KIAA1549L: variants seen among roughly 807,000 people sequenced by gnomAD.
KIAA1549L encodes the protein UPF0606 protein KIAA1549L.
A neutral mutation model predicts 160.7 loss-of-function variants in KIAA1549L; 88 were observed. The ratio of observed to expected loss-of-function variants is 0.55; its 90% confidence interval spans 0.46 to 0.65. KIAA1549L has a LOEUF of 0.65. Among genes scored for constraint, KIAA1549L ranks in the 30% least tolerant of loss-of-function variants. KIAA1549L has a pLI of 0.00. For synonymous variants in KIAA1549L, 950 were observed against 976.7 expected (o/e 0.97, Z 0.51); for missense variants, 2,258 against 2,437.5 (o/e 0.93, Z 1.55).
chr11:33,405,510 C>CTTTTTT (rs60127936), intron 1 of KIAA1549L, among the ~76,000 whole-genome samples: 4 of 138,652 alleles, frequency 2.9e-5, no homozygotes, highest in African/African-American at 1.1e-4. Flanking sequence ...TTTCCCTACA[C>CTTTTTT]TTTTTTTTTT....
At chr11:33,607,632 T>C (rs577527528) in intron 14 of KIAA1549L, among the ~76,000 whole-genome samples, 9 of 152,338 alleles carry the variant, frequency 5.9e-5, no homozygotes, top group Admixed American at 2.6e-4. Flanking sequence ...AGGTTGGTTG[T>C]TAATTTCATT....
rs550335550 is a variant in KIAA1549L at position 33,525,829 on chromosome 11, G to A, written c.239-15973G>A. ...GCTGGCTGTGTGGGAGCTGGGTGAG[G>A]CCTGTCACTGCTGGCTTCCCCCTCT... On this transcript the variant is annotated intron_variant, in intron 1 of 20. Coordinates refer to ENST00000658780, the MANE Select transcript of KIAA1549L (RefSeq NM_012194.3). 1.4e-4 allele frequency among the ~76,000 whole-genome samples: 21 copies of A among 152,174 alleles called. No homozygotes were observed. In the East Asian group the frequency reaches 3.3e-3, roughly 24 times the overall value.
chr11:33,648,465 G>A (rs915568222), intron 17 of KIAA1549L, among the ~76,000 whole-genome samples: 2 of 150,472 alleles, frequency 1.3e-5, no homozygotes, highest in African/African-American at 4.9e-5. Context: ...CTTTGATAAT[G>A]TGGAAATCCA....
At chr11:33,464,711 A>C (rs1168114317) in intron 1 of KIAA1549L, among the ~76,000 whole-genome samples, 1 of 152,096 alleles carries the variant, frequency 6.6e-6, no homozygotes, top group Non-Finnish European at 1.5e-5. Flanking sequence ...CATCTGTTCA[A>C]ATCATTTTCC....
chr11:33,572,858 C>G (rs994612015), intron 9 of KIAA1549L, among the ~76,000 whole-genome samples: 1 of 152,174 alleles, frequency 6.6e-6, no homozygotes, highest in Middle Eastern at 3.2e-3. Context: ...TACATTAATT[C>G]TATAGGAAAC....
chr11:33,542,992 A>G lies in KIAA1549L; in HGVS notation c.1429A>G (p.Thr477Ala). The G allele has an allele frequency of 1.2e-6, 2 of 1,613,918 alleles. No individual in the cohort carries two copies. Among genetic ancestry groups the G allele is most frequent in the Middle Eastern group, 1.6e-4 (1 of 6,062 alleles). Residue 477 changes from threonine to alanine, a missense_variant, in exon 2 of 21, where the codon ACC (threonine) becomes GCC (alanine). Transcript: ENST00000658780. ...TTCTTTGGTGCCTTCTCTGCATATC[A>G]CCACACTGGGTCAAGAGCAAGCCAT... is the stretch of plus-strand genomic sequence containing the variant. ...TSSLVPSLHI[T>A]TLGQEQAILS...
chr11:33,597,801 G>A (rs1850241929), intron 12 of KIAA1549L, among the ~76,000 whole-genome samples: 1 of 152,110 alleles, frequency 6.6e-6, no homozygotes, highest in Non-Finnish European at 1.5e-5. Flanking sequence ...GACAGCAAAG[G>A]GAAGGTGTTC....
chr11:33,609,920 G>C lies in KIAA1549L; in HGVS notation c.5233G>C (p.Asp1745His). The change falls in exon 15 of 21, where the codon GAT (aspartate) becomes CAT (histidine). Residue 1745 changes from aspartate (D) to histidine (H), a missense_variant. Physicochemically the swap from Asp to His is moderately conservative, Grantham distance 81. Around this residue, in one of 6 missense-constraint regions of KIAA1549L, gnomAD observed 1,359 missense variants for 1,546.6 expected, o/e 0.88. Transcript: ENST00000658780. ...KAPKEMEHVLDPDSELCAPFT... is the reference protein window; with the variant it reads ...KAPKEMEHVLHPDSELCAPFT... ...CCCGAAGGAAATGGAGCATGTTTTG[G>C]ATCCAGATTCAGAACTCTGTGCTCC... is the stretch of plus-strand genomic sequence containing the variant. 1 of 1,613,974 alleles carries C rather than the reference G, an allele frequency of 6.2e-7. No homozygotes were observed. The highest frequency in any genetic ancestry group is 8.5e-7 in the Non-Finnish European group (1 of 1,179,872).
At chr11:33,550,227 G>T (rs1162941303) in intron 4 of KIAA1549L, among the ~76,000 whole-genome samples, 1 of 151,294 alleles carries the variant, frequency 6.6e-6, no homozygotes, top group African/African-American at 2.4e-5. Context: ...ATAAAAACTT[G>T]GAAAAAAAGG....
At chr11:33,596,114 T>A (rs1237204586) in intron 12 of KIAA1549L, among the ~76,000 whole-genome samples, 1 of 152,194 alleles carries the variant, frequency 6.6e-6, no homozygotes, top group Admixed American at 6.5e-5. Context: ...TCTTCCCAGC[T>A]CCATGTCCTC....
At chr11:33,489,169 A>G (rs1394917558) in intron 1 of KIAA1549L, among the ~76,000 whole-genome samples, 1 of 152,190 alleles carries the variant, frequency 6.6e-6, no homozygotes, top group Non-Finnish European at 1.5e-5. Flanking sequence ...TGGCTTAAAC[A>G]ACAGGAATTT....
chr11:33,435,818 G>GTGTGTGTATATA lies in KIAA1549L; in HGVS notation c.238+58930_238+58931insGTGTGTATATAT, dbSNP rs1554976830. The stretch of plus-strand genomic sequence containing the variant: ...TATATATATATATATATATGTGTGT[G>GTGTGTGTATATA]TATATATATATATGTATATGTATAT... On this transcript the variant is annotated intron_variant, in intron 1 of 20. Coordinates refer to ENST00000658780, the MANE Select transcript of KIAA1549L (RefSeq NM_012194.3). Among the ~76,000 whole-genome samples the GTGTGTGTATATA allele has an allele frequency of 5.5e-4, 25 of 45,306 alleles. No homozygotes were observed. In the South Asian group the frequency reaches 8.3e-3, roughly 15 times the overall value. The allele number at this position is 45,306 out of a possible 152,430, so 29.7% of individuals were successfully genotyped here. A position where few individuals can be genotyped will look rare whatever the true frequency, so the allele number is the denominator to read the frequency against.
intron 1 of KIAA1549L, among the ~76,000 whole-genome samples, chr11:33,430,545 A>C (rs1026893682): frequency 2.0e-5 from 3 of 152,228 alleles, no homozygotes; most frequent in African/African-American, 7.2e-5. Context: ...TTACATTTAA[A>C]TATTTTTGCA....
rs1852555559 is a variant in KIAA1549L, at chr11:33,668,289, T to C, written c.*135T>C. On this transcript the variant is annotated 3_prime_UTR_variant, in exon 21 of 21. Transcript: ENST00000658780. ...ACCCTCCATTTCTGAAAAGGTGAAC[T>C]ATGGGGCTTCTGGGAACAGGAAACT... is the stretch of plus-strand genomic sequence containing the variant. The C allele has an allele frequency of 4.9e-6, 4 of 812,874 alleles. No homozygotes were observed. Among genetic ancestry groups the C allele is most frequent in the Non-Finnish European group, 7.6e-6 (4 of 524,162 alleles). 50.4% of individuals were successfully genotyped at this position (812,874 alleles called of 1,614,324 possible). A position where few individuals can be genotyped will look rare whatever the true frequency, so the allele number is the denominator to read the frequency against.
intron 1 of KIAA1549L, among the ~76,000 whole-genome samples, chr11:33,442,278 A>G (rs1851524871): frequency 6.6e-6 from 1 of 152,072 alleles, no homozygotes; most frequent in Admixed American, 6.6e-5. Context: ...CCATTGATCT[A>G]TATCTCTGTT....
At chr11:33,475,559 A>T (rs1000777420) in intron 1 of KIAA1549L, among the ~76,000 whole-genome samples, 6 of 139,526 alleles carry the variant, frequency 4.3e-5, no homozygotes, top group African/African-American at 1.6e-4. Flanking sequence ...CTGTCTCTTT[A>T]AAAAAAAAAA....
At chr11:33,463,542 A>G (rs1851985000) in intron 1 of KIAA1549L, among the ~76,000 whole-genome samples, 1 of 152,208 alleles carries the variant, frequency 6.6e-6, no homozygotes, top group South Asian at 2.1e-4. Context: ...GGAAAAATAA[A>G]TGATGATTCT....
At chr11:33,624,598 A>G (rs2133361738) in intron 16 of KIAA1549L, among the ~76,000 whole-genome samples, 1 of 152,330 alleles carries the variant, frequency 6.6e-6, no homozygotes, top group East Asian at 1.9e-4. Context: ...AAATAAAGCC[A>G]AAAAACTAGC....
rs570172810 is a variant in KIAA1549L at position 33,407,231 on chromosome 11, C to T, written c.238+30342C>T. Among the ~76,000 whole-genome samples, 35 of 150,898 alleles carry T rather than the reference C, an allele frequency of 2.3e-4. 1 individual carries two copies. The highest frequency in any genetic ancestry group is 3.5e-3 in the Middle Eastern group (1 of 288). On this transcript the variant is annotated intron_variant, in intron 1 of 20. Transcript: ENST00000658780. ...TCCCGAGTAGCTGGGACTACAGGCGCCTGCCACCACGCCCGGCTAATTTTT... is the reference window on the plus strand; with the variant it reads ...TCCCGAGTAGCTGGGACTACAGGCGTCTGCCACCACGCCCGGCTAATTTTT...
Sources: gnomAD v4.1 joint callset for allele counts (sites outside exome capture counted in the v4.1 genomes callset) on GRCh38, gnomAD v4.1.1 for gene constraint, gnomAD v4.1.1 regional missense constraint, MANE v1.5 for transcripts, NCBI Gene and HGNC (gene_info 2026-07-23, HGNC 2026-07-21) for gene names.